Variants in PTK2B observed in about 807,000 individuals in gnomAD.
PTK2B encodes the protein protein tyrosine kinase 2 beta, also known as protein-tyrosine kinase 2-beta.
A neutral mutation model predicts 142.9 loss-of-function variants in PTK2B; 71 were observed. That is an observed-to-expected ratio of 0.50 (90% CI 0.41 to 0.61). The LOEUF is 0.61. Ranked by LOEUF, PTK2B falls within the 20% of genes least tolerant of loss-of-function variation. The pLI is 0.00. For synonymous variants in PTK2B, 519 were observed against 503.4 expected (o/e 1.03, Z -0.42); for missense variants, 1,105 against 1,320.4 (o/e 0.84, Z 2.53).
At chr8:27,430,334 C>T (rs905642270) in intron 6 of PTK2B, 30 bp from the exon 7 acceptor site, 2 of 1,614,064 alleles carry the variant, frequency 1.2e-6, no homozygotes, top group African/African-American at 2.7e-5. Context: ...GAGGGGGAGT[C>T]ACATGCTGCC....
chr8:27,314,080 A>C (rs777696698), intron 3 of PTK2B, among the ~76,000 whole-genome samples: 1 of 152,216 alleles, frequency 6.6e-6, no homozygotes, highest in Non-Finnish European at 1.5e-5. Context: ...GAAGAAATGC[A>C]TGTTCGTAGA....
chr8:27,314,347 T>G (rs1042612175), intron 3 of PTK2B, among the ~76,000 whole-genome samples: 1 of 152,180 alleles, frequency 6.6e-6, no homozygotes, highest in Non-Finnish European at 1.5e-5. Context: ...CCCAGCACTT[T>G]GGGAGGTCGA....
At chr8:27,420,794 T>C (rs369413631) in intron 4 of PTK2B, 50 bp downstream of exon 4, 14 of 1,492,552 alleles carry the variant, frequency 9.4e-6, no homozygotes, top group Non-Finnish European at 1.3e-5. Context: ...ACACCTCAAA[T>C]GCCAAGCATG....
rs149560436 is a variant in PTK2B, at chr8:27,343,129, C to T, written c.-38+17448C>T. Reference sequence around the variant, plus strand: ...CCAGAGCTGTATTAAGAATGTTTTCCTCAGGCAACAAATATGCGGGCTTTG... The same window carrying T: ...CCAGAGCTGTATTAAGAATGTTTTCTTCAGGCAACAAATATGCGGGCTTTG... On this transcript the variant is annotated intron_variant, in intron 1 of 30. Coordinates refer to ENST00000346049, the MANE Select transcript of PTK2B (RefSeq NM_173176.3). 3.4e-3 allele frequency among the ~76,000 whole-genome samples: 525 copies of T among 152,282 alleles called. 2 individuals are homozygous for T. The highest frequency in any genetic ancestry group is 5.3e-3 in the Non-Finnish European group (362 of 68,022).
upstream of PTK2B, among the ~76,000 whole-genome samples, chr8:27,322,173 AT>A (rs975678098): frequency 2.6e-5 from 4 of 151,764 alleles, no homozygotes; most frequent in Non-Finnish European, 4.4e-5. Flanking sequence ...GTATTTATCC[AT>A]TTTTTTTGTT....
intron 5 of PTK2B, among the ~76,000 whole-genome samples, chr8:27,428,660 C>A (rs1357759015): frequency 2.0e-5 from 3 of 152,184 alleles, no homozygotes; most frequent in African/African-American, 4.8e-5. Context: ...TCCCTGGTCT[C>A]TACCCACTTG....
chr8:27,355,974 G>C (rs573907414), intron 1 of PTK2B, among the ~76,000 whole-genome samples: 1 of 150,772 alleles, frequency 6.6e-6, no homozygotes, highest in South Asian at 2.1e-4. Context: ...AGTGAGCCAA[G>C]ATCATGCCAT....
intron 30 of PTK2B, among the ~76,000 whole-genome samples, chr8:27,456,985 C>T (rs973294199): frequency 2.6e-5 from 4 of 152,220 alleles, no homozygotes; most frequent in Non-Finnish European, 5.9e-5. Flanking sequence ...GGAAAGAAAT[C>T]ACCTCTGTAA....
upstream of PTK2B, chr8:27,311,072 G>T: frequency 1.9e-6 from 3 of 1,596,456 alleles, no homozygotes; most frequent in Non-Finnish European, 2.6e-6. Context: ...TGGGCAGGTG[G>T]GCGACACCTG....
intron 8 of PTK2B, 31 bp from the exon 9 acceptor site, chr8:27,431,367 G>A: frequency 6.2e-7 from 1 of 1,614,110 alleles, no homozygotes; most frequent in Non-Finnish European, 8.5e-7. Flanking sequence ...GGACAGCTCT[G>A]GAACAACAGT....
At chr8:27,455,941 C>T (rs185815058) in intron 30 of PTK2B, among the ~76,000 whole-genome samples, 4 of 152,358 alleles carry the variant, frequency 2.6e-5, no homozygotes, top group Admixed American at 1.3e-4. Context: ...CACATCCCAC[C>T]ACTGTCCCCA....
chr8:27,360,280 G>T (rs1464528084), intron 1 of PTK2B, among the ~76,000 whole-genome samples: 2 of 152,220 alleles, frequency 1.3e-5, no homozygotes, highest in Non-Finnish European at 2.9e-5. Flanking sequence ...TGAGCTCCCA[G>T]AACTTAACAC....
At chr8:27,322,469 CAG>C (rs1028589613), upstream of PTK2B, 1 of 152,174 alleles carries the variant, frequency 6.6e-6, no homozygotes, top group African/African-American at 2.4e-5. Context: ...GTTCTTGGCA[CAG>C]AGTGAACACT....
intron 21 of PTK2B, among the ~76,000 whole-genome samples, 163 bp from the exon 22 acceptor site, chr8:27,442,712 A>AG (rs993302323): frequency 6.6e-6 from 1 of 152,124 alleles, no homozygotes; most frequent in Admixed American, 6.5e-5. Context: ...AGCCTGTCTC[A>AG]GGGGGCTCTC....
chr8:27,384,688 T>A (rs190474366), intron 1 of PTK2B, among the ~76,000 whole-genome samples: 1 of 152,202 alleles, frequency 6.6e-6, no homozygotes, highest in Non-Finnish European at 1.5e-5. Context: ...AAATATTTTA[T>A]AAAGAATCAC....
At chr8:27,438,909 C>T in intron 18 of PTK2B, 122 bp from the exon 19 acceptor site, 2 of 894,552 alleles carry the variant, frequency 2.2e-6, no homozygotes, top group Middle Eastern at 5.6e-4. Flanking sequence ...CGATTCTGCT[C>T]TGGAGTCCGA....
chr8:27,311,415 C>G (rs1008129112), upstream of PTK2B: 1 of 750,744 alleles, frequency 1.3e-6, no homozygotes, highest in Admixed American at 3.3e-5. Context: ...AGGGGGCGCT[C>G]GGAGGAGCCC....
chr8:27,348,727 C>T (rs7015910), intron 1 of PTK2B, among the ~76,000 whole-genome samples: 2,021 of 152,060 alleles, frequency 0.013, 33 homozygotes, highest in African/African-American at 0.046. Flanking sequence ...TTTGTGGGGG[C>T]GGCTGGGTAG....
At chr8:27,391,181 C>CCGT (rs1474551186) in intron 1 of PTK2B, among the ~76,000 whole-genome samples, 1 of 151,930 alleles carries the variant, frequency 6.6e-6, no homozygotes, top group East Asian at 1.9e-4. Context: ...ACTGCAAGCT[C>CCGT]CGTCTCCCGG....
Sources: gnomAD v4.1 joint callset for allele counts (sites outside exome capture counted in the v4.1 genomes callset) on GRCh38, gnomAD v4.1.1 for gene constraint, MANE v1.5 for transcripts, NCBI Gene and HGNC (gene_info 2026-07-23, HGNC 2026-07-21) for gene names.